Variants in PLXNB2 observed in about 807,000 individuals in gnomAD.
PLXNB2 encodes the protein plexin-B2.
A neutral mutation model predicts 202.6 loss-of-function variants in PLXNB2; 85 were observed. That is an observed-to-expected ratio of 0.42 (90% CI 0.35 to 0.50). PLXNB2 has a LOEUF of 0.50. Among genes scored for constraint, PLXNB2 ranks in the 20% least tolerant of loss-of-function variants. The pLI is 0.02. For missense variants in PLXNB2, 2,063 were observed against 2,586.2 expected (o/e 0.80, Z 4.39); for synonymous variants, 1,239 against 1,137.6 (o/e 1.09, Z -1.79).
rs955567702 is a variant in PLXNB2, at chr22:50,307,558, C to G, written c.-79G>C. The G allele has an allele frequency of 3.1e-6, 3 of 982,186 alleles. No homozygotes were observed. The highest frequency in any genetic ancestry group is 3.6e-6 in the Non-Finnish European group (3 of 828,766). The allele number at this position is 982,186 out of a possible 1,614,324, so 60.8% of individuals were successfully genotyped here. A position where few individuals can be genotyped will look rare whatever the true frequency, so the allele number is the denominator to read the frequency against. On this transcript the variant is annotated 5_prime_UTR_variant, in exon 1 of 37. Transcript: ENST00000359337. ...CAGTCCCCCGAGCTCGGTACCTGCA[C>G]GTCCGCCGCCAAGGCTCGATGGCGC...
rs1202899347 is a variant in PLXNB2, at chr22:50,279,699, T to C, written c.4320A>G (p.Val1440=). The change falls in exon 27 of 37, where the codon GTA becomes GTG. Residue 1440 remains valine (V), a synonymous_variant. Coordinates refer to ENST00000359337, the MANE Select transcript of PLXNB2 (RefSeq NM_012401.4). ...HQVEKGPVDA[V]QKKAKYTLND... ...TGAGAGTGTACTTGGCCTTCTTCTG[T>C]ACCGCATCCACCGGGCCCTTTTCCA... 1.2e-6 allele frequency: 2 copies of C among 1,613,836 alleles called. No individual in the cohort carries two copies. Among genetic ancestry groups the C allele is most frequent in the Non-Finnish European group, 1.7e-6 (2 of 1,179,946 alleles).
At chr22:50,276,773 G>A in intron 34 of PLXNB2, 69 bp from the exon 35 acceptor site, 1 of 1,597,730 alleles carries the variant, frequency 6.3e-7, no homozygotes, top group Non-Finnish European at 8.6e-7. Flanking sequence ...GGGAAACCAA[G>A]GCCTGAACCT....
chr22:50,278,254 C>T lies in PLXNB2; in HGVS notation c.4750G>A (p.Glu1584Lys), dbSNP rs1207476773. The T allele has an allele frequency of 6.2e-6, 10 of 1,610,878 alleles. No homozygotes were observed. Among genetic ancestry groups the T allele is most frequent in the African/African-American group, 1.3e-5 (1 of 74,924 alleles). Reference sequence around the variant, plus strand: ...ACCAGGTGCCACACCCGGTTCTCCTCCTCCAGGAGGGCATGGCCTGTGGGG... The same window carrying T: ...ACCAGGTGCCACACCCGGTTCTCCTTCTCCAGGAGGGCATGGCCTGTGGGG... Reference protein sequence around the residue: ...LPGERHALLEEENRVWHLVRP... With the variant: ...LPGERHALLEKENRVWHLVRP... The change falls in exon 31 of 37, where the codon GAG (glutamate) becomes AAG (lysine). Residue 1584 changes from glutamate (E) to lysine (K), a missense_variant. Around this residue, in one of 2 missense-constraint regions of PLXNB2, gnomAD observed 760 missense variants for 1,109.4 expected, o/e 0.69. Transcript: ENST00000359337.
In PLXNB2 at chr22:50,289,457, G is replaced by A. The variant is rs767553802; in HGVS notation, c.1068+60C>T. 1.2e-4 allele frequency: 177 copies of A among 1,502,084 alleles called. No homozygotes were observed. The highest frequency in any genetic ancestry group is 1.3e-4 in the Non-Finnish European group (142 of 1,122,344). The allele number at this position is 1,502,084 out of a possible 1,614,324, so 93.0% of individuals were successfully genotyped here. On this transcript the variant is annotated intron_variant, in intron 3 of 36. Transcript: ENST00000359337. This position sits in a 1 kb window ranked among gnomAD's most constrained non-coding sequence, Gnocchi z 8.0. ...CACCCTCCCCAGCAGGCTGGGACACGCAAACCCACGAACGGACGCCTGCAG... is the reference window on the plus strand; with the variant it reads ...CACCCTCCCCAGCAGGCTGGGACACACAAACCCACGAACGGACGCCTGCAG...
chr22:50,283,112 G>A lies in PLXNB2; in HGVS notation c.2754C>T (p.Thr918=). 6.2e-7 allele frequency: 1 copy of A among 1,604,572 alleles called. No homozygotes were observed. Among genetic ancestry groups the A allele is most frequent in the Middle Eastern group, 1.7e-4 (1 of 5,946 alleles). The change falls in exon 17 of 37, where the codon ACC becomes ACT. Residue 918 remains threonine, a synonymous_variant. Coordinates refer to ENST00000359337, the MANE Select transcript of PLXNB2 (RefSeq NM_012401.4). The stretch of plus-strand genomic sequence containing the variant: ...CCTCCTGGGAGCCCGTGTCCAGGTG[G>A]GTGCCGTGGATGGTCAGTGTGGTGC... ...AGGTTLTIHG[T]HLDTGSQEDV...
In PLXNB2 at chr22:50,290,021, C is replaced by T; in HGVS notation, c.564G>A (p.Leu188=). The T allele has an allele frequency of 6.2e-7, 1 of 1,613,436 alleles. No homozygotes were observed. The part of the protein sequence containing the change: ...DNGIIVSTRL[L]DRTDSREAFE... ...AGGCCTCCCTGCTGTCAGTCCGGTC[C>T]AACAGCCGAGTGCTCACGATGATGC... Residue 188 remains leucine, a synonymous_variant, in exon 3 of 37, where the codon TTG becomes TTA. Transcript: ENST00000359337.
Position 50,279,689 on chromosome 22 carries a change from CCTT to C in PLXNB2, c.4327_4329del (p.Lys1443del). On this transcript the variant is annotated inframe_deletion, in exon 27 of 37. Transcript: ENST00000359337. Reference sequence around the variant, plus strand: ...CCCGTGTCGTTGAGAGTGTACTTGGCCTTCTTCTGTACCGCATCCACCGGGCCC... The same window carrying C: ...CCCGTGTCGTTGAGAGTGTACTTGGCCTTCTGTACCGCATCCACCGGGCCC... The C allele has an allele frequency of 6.2e-7, 1 of 1,613,972 alleles. No homozygotes were observed. Among genetic ancestry groups the C allele is most frequent in the Non-Finnish European group, 8.5e-7 (1 of 1,179,970 alleles).
In PLXNB2 at chr22:50,288,485, C is replaced by T. The variant is rs1341718542; in HGVS notation, c.1380+258G>A. Reference sequence around the variant, plus strand: ...CCCTTCCATCAGGACAGGGCAGAGGCGGGGCCAGAGGGAGAGACATGGTTG... The same window carrying T: ...CCCTTCCATCAGGACAGGGCAGAGGTGGGGCCAGAGGGAGAGACATGGTTG... On this transcript the variant is annotated intron_variant, in intron 5 of 36. Coordinates refer to ENST00000359337, the MANE Select transcript of PLXNB2 (RefSeq NM_012401.4). The surrounding 1 kb of genome is among the most constrained non-coding windows in gnomAD (Gnocchi z 5.0). Among the ~76,000 whole-genome samples, 1 of 152,084 alleles carries T rather than the reference C, an allele frequency of 6.6e-6. No homozygotes were observed. Among genetic ancestry groups the T allele is most frequent in the African/African-American group, 2.4e-5 (1 of 41,406 alleles).
In PLXNB2 at chr22:50,279,617, C is replaced by A. The variant is rs764493851; in HGVS notation, c.4389+13G>T. 55 of 1,612,948 alleles carry A rather than the reference C, an allele frequency of 3.4e-5. No individual in the cohort carries two copies. The highest frequency in any genetic ancestry group is 4.6e-5 in the Non-Finnish European group (54 of 1,179,610). On this transcript the variant is annotated intron_variant, in intron 27 of 36. Coordinates refer to ENST00000359337, the MANE Select transcript of PLXNB2 (RefSeq NM_012401.4). The stretch of plus-strand genomic sequence containing the variant: ...CCGAGGCGCCCATGGCGGCCCCCAC[C>A]CCAGAAGCTCACCAGGGGTGCGTAC...
Position 50,289,440 on chromosome 22 carries a change from C to T in PLXNB2, c.1068+77G>A, listed in dbSNP as rs2066710862. On this transcript the variant is annotated intron_variant, in intron 3 of 36. Transcript: ENST00000359337. The surrounding 1 kb of genome is among the most constrained non-coding windows in gnomAD (Gnocchi z 8.0). ...GCCACACTGCTCACGTGCACCCTCC[C>T]CAGCAGGCTGGGACACGCAAACCCA... 2.0e-6 allele frequency: 3 copies of T among 1,477,800 alleles called. No homozygotes were observed. The highest frequency in any genetic ancestry group is 2.3e-4 in the Middle Eastern group (1 of 4,436). 91.5% of individuals were successfully genotyped at this position (1,477,800 alleles called of 1,614,324 possible). A position where few individuals can be genotyped will look rare whatever the true frequency, so the allele number is the denominator to read the frequency against.
rs924861264 is a variant in PLXNB2 at position 50,291,162 on chromosome 22, C to T, written c.-13-565G>A. On this transcript the variant is annotated intron_variant, in intron 2 of 36. Transcript: ENST00000359337. This position sits in a 1 kb window ranked among gnomAD's most constrained non-coding sequence, Gnocchi z 4.3. ...TGCACATGCTGTTTACAACTGCCCG[C>T]CAGAGCCCCCAGGCGGCCTGAGCCT... Among the ~76,000 whole-genome samples the T allele has an allele frequency of 6.6e-6, 1 of 152,196 alleles. No individual in the cohort carries two copies. The highest frequency in any genetic ancestry group is 1.5e-5 in the Non-Finnish European group (1 of 68,026).
Position 50,286,112 on chromosome 22 carries a change from G to A in PLXNB2, c.1878-14C>T. The stretch of plus-strand genomic sequence containing the variant: ...CAGGAGATGCACCTGCATCCAGAGG[G>A]GATCGTGAGCAGGGCTGGGGTGGAC... On this transcript the variant is annotated splice_polypyrimidine_tract_variant and intron_variant, in intron 9 of 36. Transcript: ENST00000359337. 1 of 1,611,812 alleles carries A rather than the reference G, an allele frequency of 6.2e-7. No individual in the cohort carries two copies. The highest frequency in any genetic ancestry group is 2.2e-5 in the East Asian group (1 of 44,876).
In PLXNB2 at chr22:50,290,485, GCT is replaced by G. The variant is rs1569175534; in HGVS notation, c.98_99del (p.Glu33AlafsTer8). 6.2e-7 allele frequency: 1 copy of G among 1,612,850 alleles called. No individual in the cohort carries two copies. The highest frequency in any genetic ancestry group is 1.7e-5 in the Admixed American group (1 of 60,020). ...GCCTCATCCACAGCCAGGTGGTTCA[GCT>G]CTTTCTCGCTGCGGAAGAAGTCCAG... ...RKLDFFRSEKELNHLAVDEAS... is the reference protein window; with the variant it reads ...RKLDFFRSEKXLNHLAVDEAS... On this transcript the variant is annotated frameshift_variant, in exon 3 of 37. Coordinates refer to ENST00000359337, the MANE Select transcript of PLXNB2 (RefSeq NM_012401.4). LOFTEE classifies it high-confidence loss of function.
In PLXNB2 at chr22:50,290,346, G is replaced by A; in HGVS notation, c.239C>T (p.Pro80Leu). ...GPALDNKKCT[P>L]PIEASQCHEA... ...ATGGCACTGGCTGGCCTCGATGGGC[G>A]GCGTGCACTTCTTGTTGTCCAGGGC... The change falls in exon 3 of 37, where the codon CCG becomes CTG. Residue 80 changes from proline to leucine, a missense_variant. Physicochemically the swap from Pro to Leu is moderately conservative, Grantham distance 98 (BLOSUM62 -3). Transcript: ENST00000359337. 2 of 1,612,580 alleles carry A rather than the reference G, an allele frequency of 1.2e-6. No individual in the cohort carries two copies. The highest frequency in any genetic ancestry group is 1.1e-5 in the South Asian group (1 of 91,088).
chr22:50,277,799 C>G, intron 32 of PLXNB2, 54 bp downstream of exon 32: 1 of 1,604,140 alleles, frequency 6.2e-7, no homozygotes, highest in Non-Finnish European at 8.5e-7. Context: ...TGTGGAGCCT[C>G]CCAAGTGAGA....
chr22:50,286,491 G>A (rs548331223), intron 8 of PLXNB2, among the ~76,000 whole-genome samples: 4 of 152,216 alleles, frequency 2.6e-5, no homozygotes, highest in African/African-American at 4.8e-5. Context: ...GCCCGTTCAC[G>A]CTGGGCTGGA....
At position 50,275,836 on chromosome 22, in the gene PLXNB2, CG is replaced by C. The variant is rs35380399; in HGVS notation, c.5413-29del. 3.0e-4 allele frequency: 479 copies of C among 1,607,536 alleles called. No homozygotes were observed. In the African/African-American group the frequency reaches 5.7e-3, roughly 19 times the overall value. ...GAGGGAGGGTCGCATCAGAGCACAC[CG>C]GGGGACCGCCCAGCACCCCACCTGC... is the stretch of plus-strand genomic sequence containing the variant. On this transcript the variant is annotated intron_variant, in intron 36 of 36. Coordinates refer to ENST00000359337, the MANE Select transcript of PLXNB2 (RefSeq NM_012401.4).
Position 50,281,203 on chromosome 22 carries a change from C to T in PLXNB2, c.3663-14G>A, listed in dbSNP as rs192431671. The T allele has an allele frequency of 3.7e-5, 60 of 1,605,080 alleles. No individual in the cohort carries two copies. The African/African-American group carries it at 5.3e-4, about 14-fold the overall frequency. ...TGGCTCTTCCTCCTGCAAGGCACAGCGGGCCTCCTAGGTTCTGCCGGGGCT... is the reference window on the plus strand; with the variant it reads ...TGGCTCTTCCTCCTGCAAGGCACAGTGGGCCTCCTAGGTTCTGCCGGGGCT... On this transcript the variant is annotated splice_polypyrimidine_tract_variant and intron_variant, in intron 22 of 36. Transcript: ENST00000359337.
intron 19 of PLXNB2, 29 bp downstream of exon 19, chr22:50,282,155 G>T: frequency 6.2e-7 from 1 of 1,604,738 alleles, no homozygotes. Flanking sequence ...ATGGGCCGGT[G>T]CCAGAGCTGA....
Sources: gnomAD v4.1 joint callset for allele counts (sites outside exome capture counted in the v4.1 genomes callset) on GRCh38, gnomAD v4.1.1 for gene constraint, gnomAD v4.1.1 regional missense constraint, Gnocchi (gnomAD v3.1) non-coding constraint, MANE v1.5 for transcripts, NCBI Gene and HGNC (gene_info 2026-07-23, HGNC 2026-07-21) for gene names.